The following OPHN1 variants were observed in gnomAD, a reference collection of about 807,000 sequenced individuals.
OPHN1 encodes the protein oligophrenin-1.
A neutral mutation model predicts 60.7 loss-of-function variants in OPHN1; 11 were observed. The observed-to-expected ratio is 0.18, with a 90% confidence interval of 0.11 to 0.30. OPHN1 has a LOEUF of 0.30. OPHN1 is among the 10% of genes least tolerant of loss of function. The probability of loss-of-function intolerance (pLI) is 1.00; values close to 1 mark genes in which losing one functional copy is unlikely to be tolerated. For missense variants in OPHN1, 449 were observed against 611.0 expected (o/e 0.73, Z 2.80); for synonymous variants, 226 against 222.6 (o/e 1.02, Z -0.14).
chrX:68,068,247 G>A (rs1056626904), intron 20 of OPHN1, among the ~76,000 whole-genome samples: 30 of 109,826 alleles, frequency 2.7e-4, no homozygotes, highest in Admixed American at 2.1e-3. Flanking sequence ...CGAGGTGGGC[G>A]AATCATGAGG....
intron 5 of OPHN1, among the ~76,000 whole-genome samples, chrX:68,263,442 C>T (rs953877544): frequency 1.8e-5 from 2 of 111,593 alleles, no homozygotes; most frequent in African/African-American, 3.3e-5. Flanking sequence ...CATCGTCAAT[C>T]GGACAGTTTC....
chrX:68,249,151 C>A (rs756982704), intron 5 of OPHN1, among the ~76,000 whole-genome samples: 1 of 111,539 alleles, frequency 9.0e-6, no homozygotes, highest in Non-Finnish European at 1.9e-5. Context: ...ACCCCATTTA[C>A]CCTGATGTGA....
At chrX:68,176,973 C>CATATAT (rs59326514) in intron 15 of OPHN1, among the ~76,000 whole-genome samples, 3,309 of 99,054 alleles carry the variant, frequency 0.033, 149 homozygotes, top group African/African-American at 0.11. Context: ...TTTATATATA[C>CATATAT]ATATATATAT....
intron 10 of OPHN1, among the ~76,000 whole-genome samples, chrX:68,205,257 A>G (rs1197652976): frequency 9.0e-6 from 1 of 110,609 alleles, no homozygotes; most frequent in Non-Finnish European, 1.9e-5. Flanking sequence ...AGATCAGCCT[A>G]GCCAACATGG....
At chrX:68,266,280 A>C (rs1053522269) in intron 5 of OPHN1, among the ~76,000 whole-genome samples, 1 of 111,612 alleles carries the variant, frequency 9.0e-6, no homozygotes, top group African/African-American at 3.3e-5. Flanking sequence ...GCCAGAAAGA[A>C]AGGTCGGGTT....
At chrX:68,362,437 TC>T in intron 2 of OPHN1, among the ~76,000 whole-genome samples, 1 of 112,058 alleles carries the variant, frequency 8.9e-6, no homozygotes, top group South Asian at 3.8e-4. Context: ...GTTCAAGAGA[TC>T]CATTGTCAAG....
intron 15 of OPHN1, among the ~76,000 whole-genome samples, chrX:68,141,783 T>C (rs2077243553): frequency 9.0e-6 from 1 of 110,718 alleles, no homozygotes. Flanking sequence ...CTGAGATTTA[T>C]GGAGATTGGA....
chrX:68,350,467 CCTT>C (rs2078403209), intron 2 of OPHN1, among the ~76,000 whole-genome samples: 1 of 75,721 alleles, frequency 1.3e-5, no homozygotes, highest in Non-Finnish European at 2.4e-5. Context: ...TTCCTTCCTT[CCTT>C]CCTCCCTCCC....
At chrX:68,426,896 A>C (rs1392511823) in intron 2 of OPHN1, among the ~76,000 whole-genome samples, 5 of 100,707 alleles carry the variant, frequency 5.0e-5, no homozygotes, top group African/African-American at 1.8e-4. Context: ...ACAAACAAAA[A>C]AAAAAAAACA....
At chrX:68,131,898 C>T (rs1190696222) in intron 15 of OPHN1, among the ~76,000 whole-genome samples, 3 of 112,263 alleles carry the variant, frequency 2.7e-5, no homozygotes, top group Admixed American at 9.4e-5. Flanking sequence ...AATAATACTA[C>T]GATAAAGCTA....
At chrX:68,303,854 G>A (rs1421583825) in intron 2 of OPHN1, among the ~76,000 whole-genome samples, 1 of 110,715 alleles carries the variant, frequency 9.0e-6, no homozygotes, top group Non-Finnish European at 1.9e-5. Flanking sequence ...TCTCATAGAA[G>A]TAGAGAATAG....
intron 5 of OPHN1, among the ~76,000 whole-genome samples, chrX:68,260,705 G>T (rs755675022): frequency 1.9e-4 from 21 of 111,543 alleles, no homozygotes; most frequent in Admixed American, 2.9e-4. Context: ...AATCACTTAC[G>T]GATTACTGTC....
At chrX:68,415,285 C>A (rs1424235338) in intron 2 of OPHN1, among the ~76,000 whole-genome samples, 3 of 112,038 alleles carry the variant, frequency 2.7e-5, no homozygotes, top group African/African-American at 9.7e-5. Context: ...CTTATAACTG[C>A]CATATTTTTT....
chrX:68,062,133 G>T (rs766393441), intron 21 of OPHN1, among the ~76,000 whole-genome samples: 2 of 111,834 alleles, frequency 1.8e-5, no homozygotes, highest in Non-Finnish European at 3.8e-5. Context: ...CAAATATTTT[G>T]TATACTAACT....
intron 15 of OPHN1, among the ~76,000 whole-genome samples, chrX:68,129,323 T>C (rs141136603): frequency 4.5e-5 from 5 of 111,196 alleles, no homozygotes; most frequent in Middle Eastern, 4.6e-3. Flanking sequence ...AAGTCTACAG[T>C]CAGGTACCAA....
intron 19 of OPHN1, among the ~76,000 whole-genome samples, 187 bp from the exon 20 acceptor site, chrX:68,073,486 C>G (rs747089227): frequency 4.5e-5 from 5 of 111,961 alleles, no homozygotes; most frequent in Non-Finnish European, 9.4e-5. Flanking sequence ...GTATCTCCTA[C>G]TATGCTCAAG....
chrX:68,207,945 T>G (rs5965518), intron 9 of OPHN1, among the ~76,000 whole-genome samples: 12,883 of 111,055 alleles, frequency 0.12, 1,891 homozygotes, highest in African/African-American at 0.4. Flanking sequence ...ACCCTGCCTT[T>G]ACTCATGCAG....
intron 15 of OPHN1, among the ~76,000 whole-genome samples, chrX:68,184,673 T>G (rs1054361571): frequency 2.7e-5 from 3 of 110,673 alleles, no homozygotes; most frequent in African/African-American, 9.8e-5. Context: ...CTTGGCTCAC[T>G]GCAACCTCCG....
Position 68,046,310 on chromosome X carries a change from T to C in OPHN1, c.*862A>G, listed in dbSNP as rs1274446923. ...CCTCAATCCACCTTAACAATTTTTC[T>C]AGCATTTGACCCCAAAATAGAACTC... On this transcript the variant is annotated 3_prime_UTR_variant, in exon 25 of 25. Transcript: ENST00000355520. The C allele has an allele frequency of 8.9e-6, 1 of 112,276 alleles. No individual in the cohort carries two copies. Among genetic ancestry groups the C allele is most frequent in the Non-Finnish European group, 1.9e-5 (1 of 53,283 alleles). 9.3% of individuals were successfully genotyped at this position (112,276 alleles called of 1,213,427 possible).
Sources: gnomAD v4.1 joint callset for allele counts (sites outside exome capture counted in the v4.1 genomes callset) on GRCh38, gnomAD v4.1.1 for gene constraint, MANE v1.5 for transcripts, NCBI Gene and HGNC (gene_info 2026-07-23, HGNC 2026-07-21) for gene names.